F11R: variants seen among roughly 807,000 people sequenced by gnomAD.
F11R encodes the protein F11 receptor, also known as junctional adhesion molecule A.
A neutral mutation model predicts 39.3 loss-of-function variants in F11R; 27 were observed. The ratio of observed to expected loss-of-function variants is 0.69; its 90% CI spans 0.51 to 0.95. The LOEUF is 0.95. Among genes scored for constraint, F11R ranks in the 40% least tolerant of loss-of-function variants. F11R has a pLI of 0.00. For synonymous variants in F11R, 131 were observed against 144.9 expected (o/e 0.90, Z 0.69); for missense variants, 335 against 372.7 (o/e 0.90, Z 0.83).
rs13374126 is a variant in F11R at position 161,010,185 on chromosome 1, C to A, written c.65-8832G>T. 7.8e-4 allele frequency among the ~76,000 whole-genome samples: 119 copies of A among 151,884 alleles called. 1 individual carries two copies. Among genetic ancestry groups the A allele is most frequent in the African/African-American group, 2.7e-3 (114 of 41,476 alleles). ...CCCAGGCCAGGCATAGTGGCTCACA[C>A]GTGTAATCCCAGAACTTTGAGAGTC... On this transcript the variant is annotated intron_variant, in intron 1 of 9. Transcript: ENST00000368026.
intron 8 of F11R, 41 bp from the exon 9 acceptor site, chr1:160,999,132 G>T: frequency 6.2e-7 from 1 of 1,613,630 alleles, no homozygotes. Flanking sequence ...AGCCACCTAG[G>T]TGCTTATTAA....
At chr1:161,018,359 C>T (rs968134730) in intron 1 of F11R, among the ~76,000 whole-genome samples, 2 of 152,302 alleles carry the variant, frequency 1.3e-5, no homozygotes, top group African/African-American at 4.8e-5. Context: ...AACCTATCCA[C>T]GCCTCTCAGG....
At chr1:161,015,764 G>A (rs1649432759) in intron 1 of F11R, among the ~76,000 whole-genome samples, 1 of 151,452 alleles carries the variant, frequency 6.6e-6, no homozygotes. Flanking sequence ...GTCAGAAAGG[G>A]GAGAAAAAAC....
intron 1 of F11R, among the ~76,000 whole-genome samples, chr1:161,013,537 C>T (rs1208388274): frequency 1.3e-5 from 2 of 152,192 alleles, no homozygotes; most frequent in Admixed American, 6.5e-5. Context: ...GGGTTGGCCT[C>T]CTCGTAAAGA....
At chr1:161,017,198 T>A (rs1317882165) in intron 1 of F11R, among the ~76,000 whole-genome samples, 1 of 152,152 alleles carries the variant, frequency 6.6e-6, no homozygotes, top group Non-Finnish European at 1.5e-5. Flanking sequence ...TGTGATAGTC[T>A]GAAATATGGC....
At chr1:161,011,777 C>T (rs1050939463) in intron 1 of F11R, among the ~76,000 whole-genome samples, 2 of 151,664 alleles carry the variant, frequency 1.3e-5, no homozygotes, top group Admixed American at 6.6e-5. Context: ...ACGTATCTCA[C>T]ACATTAATTC....
intron 1 of F11R, among the ~76,000 whole-genome samples, chr1:161,011,480 A>T (rs1408275013): frequency 1.3e-5 from 2 of 152,190 alleles, no homozygotes; most frequent in Non-Finnish European, 2.9e-5. Flanking sequence ...GGTGGCTCAC[A>T]CCTGTAATCT....
rs1168390758 is a variant in F11R at position 161,021,000 on chromosome 1, G to A, written c.64+10C>T. On this transcript the variant is annotated intron_variant, in intron 1 of 9. Coordinates refer to ENST00000368026, the MANE Select transcript of F11R (RefSeq NM_016946.6). ...ACCAACCGATTCCTCCCGAAACTCT[G>A]GGAACTTACACAACAGGATCGCCAA... is the stretch of plus-strand genomic sequence containing the variant. The A allele has an allele frequency of 6.2e-7, 1 of 1,613,956 alleles. No homozygotes were observed. Among genetic ancestry groups the A allele is most frequent in the East Asian group, 2.2e-5 (1 of 44,874 alleles).
chr1:161,001,355 T>A lies in F11R; in HGVS notation c.65-2A>T. ...TAACACTGCCCAATGCCAGGGAGCC[T>A]AAGGAGAAAGAAAGAGGTGGGCCCT... is the stretch of plus-strand genomic sequence containing the variant. On this transcript the variant is annotated splice_acceptor_variant, in intron 1 of 9. Transcript: ENST00000368026. LOFTEE classifies it high-confidence loss of function. The A allele has an allele frequency of 6.2e-7, 1 of 1,613,142 alleles. No individual in the cohort carries two copies. Among genetic ancestry groups the A allele is most frequent in the Non-Finnish European group, 8.5e-7 (1 of 1,179,238 alleles).
chr1:161,021,017 G>A lies in F11R; in HGVS notation c.57C>T (p.Ile19=). ...GAAACTCTGGGAACTTACACAACAG[G>A]ATCGCCAATATGAAGAGGCACAACA... ...RKLLCLFILA[I]LLCSLALGSV... The change falls in exon 1 of 10, where the codon ATC becomes ATT. Residue 19 remains isoleucine, a synonymous_variant. Coordinates refer to ENST00000368026, the MANE Select transcript of F11R (RefSeq NM_016946.6). 6.2e-7 allele frequency: 1 copy of A among 1,614,118 alleles called. No individual in the cohort carries two copies. The highest frequency in any genetic ancestry group is 8.5e-7 in the Non-Finnish European group (1 of 1,180,002).
At chr1:161,018,268 G>C (rs1470562914) in intron 1 of F11R, among the ~76,000 whole-genome samples, 1 of 152,218 alleles carries the variant, frequency 6.6e-6, no homozygotes, top group Non-Finnish European at 1.5e-5. Context: ...GCCTTTGCCT[G>C]ACTTGTCAGT....
Position 161,000,693 on chromosome 1 carries a change from C to G in F11R, c.326G>C (p.Cys109Ser). Residue 109 changes from cysteine (C) to serine (S), a missense_variant, in exon 4 of 10, where the codon TGT (cysteine) becomes TCT (serine). By Grantham distance (112) the Cys-to-Ser change is moderately radical. Coordinates refer to ENST00000368026, the MANE Select transcript of F11R (RefSeq NM_016946.6). ...VTREDTGTYTCMVSEEGGNSY... is the reference protein window; with the variant it reads ...VTREDTGTYTSMVSEEGGNSY... Reference sequence around the variant, plus strand: ...GTTGCCGCCTTCCTCAGAGACCATACAAGTGTATGTCCCAGTGTCTTCCCG... The same window carrying G: ...GTTGCCGCCTTCCTCAGAGACCATAGAAGTGTATGTCCCAGTGTCTTCCCG... 6.2e-7 allele frequency: 1 copy of G among 1,614,206 alleles called. No homozygotes were observed. Among genetic ancestry groups the G allele is most frequent in the Non-Finnish European group, 8.5e-7 (1 of 1,180,036 alleles).
intron 1 of F11R, among the ~76,000 whole-genome samples, chr1:161,013,307 G>C (rs1280454903): frequency 2.0e-5 from 3 of 152,040 alleles, no homozygotes; most frequent in Non-Finnish European, 4.4e-5. Context: ...GATGAGTCAG[G>C]GCCTCCTCAC....
At chr1:161,020,247 A>G (rs1194878866) in intron 1 of F11R, among the ~76,000 whole-genome samples, 1 of 152,200 alleles carries the variant, frequency 6.6e-6, no homozygotes, top group Non-Finnish European at 1.5e-5. Context: ...TCTCATACAC[A>G]GCCAGAGGGA....
chr1:160,999,510 G>A (rs1230468524), intron 7 of F11R, 102 bp from the exon 8 acceptor site: 2 of 1,555,570 alleles, frequency 1.3e-6, no homozygotes, highest in Non-Finnish European at 1.8e-6. Flanking sequence ...TTAGATGGGT[G>A]ATCAGTGTTC....
chr1:161,013,732 T>C (rs562350068), intron 1 of F11R, among the ~76,000 whole-genome samples: 6 of 152,330 alleles, frequency 3.9e-5, no homozygotes, highest in Non-Finnish European at 8.8e-5. Flanking sequence ...TCGGGTCCTC[T>C]GAGGATGGCA....
At chr1:161,003,726 G>A (rs2481079) in intron 1 of F11R, among the ~76,000 whole-genome samples, 4,147 of 151,904 alleles carry the variant, frequency 0.027, 180 homozygotes, top group African/African-American at 0.093. Context: ...ACAGGCGCCC[G>A]CCACTACGCC....
At chr1:161,010,350 A>G (rs961461064) in intron 1 of F11R, among the ~76,000 whole-genome samples, 3 of 145,176 alleles carry the variant, frequency 2.1e-5, no homozygotes, top group Admixed American at 7.1e-5. Flanking sequence ...AGGCTAAGGC[A>G]GGAGAATTGC....
intron 1 of F11R, among the ~76,000 whole-genome samples, chr1:161,002,188 G>A (rs1648529251): frequency 6.6e-6 from 1 of 151,576 alleles, no homozygotes; most frequent in Non-Finnish European, 1.5e-5. Flanking sequence ...CTTGAACCCG[G>A]GAGGCGGAGA....
Sources: allele counts gnomAD v4.1 joint callset (sites outside exome capture counted in the v4.1 genomes callset), GRCh38; gene constraint gnomAD v4.1.1; transcripts MANE v1.5; gene names NCBI Gene and HGNC (gene_info 2026-07-23, HGNC 2026-07-21).